Variants in SETBP1 observed in about 807,000 individuals in gnomAD.
The protein encoded by SETBP1 is SET-binding protein.
A neutral mutation model predicts 101.0 loss-of-function variants in SETBP1; 9 were observed. The ratio of observed to expected loss-of-function variants is 0.09; its 90% CI spans 0.05 to 0.16. SETBP1 has a LOEUF of 0.16. SETBP1 is among the 10% of genes least tolerant of loss of function. The probability of loss-of-function intolerance (pLI) is 1.00; values close to 1 mark genes in which losing one functional copy is unlikely to be tolerated. For synonymous variants in SETBP1, 818 were observed against 788.5 expected (o/e 1.04, Z -0.63); for missense variants, 1,858 against 2,033.8 (o/e 0.91, Z 1.66).
At chr18:44,948,526 T>TAGATAGATAGATAGAC (rs1182469950) in intron 3 of SETBP1, among the ~76,000 whole-genome samples, 2 of 152,094 alleles carry the variant, frequency 1.3e-5, no homozygotes, top group African/African-American at 4.8e-5. Flanking sequence ...GATAGATAGA[T>TAGATAGATAGATAGAC]AGATGATAGA....
At chr18:44,864,627 C>T (rs881434) in intron 2 of SETBP1, among the ~76,000 whole-genome samples, 48,858 of 151,800 alleles carry the variant, frequency 0.32, 8,015 homozygotes, top group South Asian at 0.41. Context: ...CCGGGCTCCA[C>T]CAGGGAGATG....
intron 4 of SETBP1, among the ~76,000 whole-genome samples, chr18:44,957,978 T>C (rs2071528104): frequency 6.6e-6 from 1 of 152,228 alleles, no homozygotes; most frequent in Admixed American, 6.5e-5. Flanking sequence ...AGCTAATGGC[T>C]GTTGTGGAGT....
At chr18:44,827,596 G>A (rs1331578515) in intron 2 of SETBP1, among the ~76,000 whole-genome samples, 1 of 152,242 alleles carries the variant, frequency 6.6e-6, no homozygotes, top group Non-Finnish European at 1.5e-5. Context: ...GGAAGATGCA[G>A]GTATATTGGG....
At chr18:44,683,833 A>C (rs2144090234) in intron 1 of SETBP1, among the ~76,000 whole-genome samples, 1 of 152,358 alleles carries the variant, frequency 6.6e-6, no homozygotes, top group African/African-American at 2.4e-5. Context: ...CAGGAATGGG[A>C]AATAAATAAC....
chr18:44,991,951 A>G (rs2072387300), intron 4 of SETBP1, among the ~76,000 whole-genome samples: 3 of 152,206 alleles, frequency 2.0e-5, no homozygotes, highest in Admixed American at 2.0e-4. Context: ...ACAAAAGACA[A>G]TTAGATTAAA....
chr18:44,784,477 T>C, intron 2 of SETBP1, among the ~76,000 whole-genome samples: 1 of 152,236 alleles, frequency 6.6e-6, no homozygotes, highest in East Asian at 1.9e-4. Context: ...GGATCACATG[T>C]CACTTCCTCA....
At chr18:45,007,790 A>C (rs1379697113) in intron 4 of SETBP1, among the ~76,000 whole-genome samples, 1 of 152,178 alleles carries the variant, frequency 6.6e-6, no homozygotes, top group Admixed American at 6.5e-5. Flanking sequence ...TGAATCTAAC[A>C]TGATGCAGTA....
At chr18:44,865,455 A>G (rs1466781854) in intron 2 of SETBP1, among the ~76,000 whole-genome samples, 1 of 152,122 alleles carries the variant, frequency 6.6e-6, no homozygotes, top group Non-Finnish European at 1.5e-5. Flanking sequence ...GGGACCTCCA[A>G]CTGCCTCCCT....
intron 3 of SETBP1, chr18:44,876,623 T>A (rs2069408989): frequency 6.4e-7 from 1 of 1,551,512 alleles, no homozygotes; most frequent in African/African-American, 1.4e-5. Flanking sequence ...GGCATCCCAT[T>A]CAAAAAGCAA....
chr18:45,049,452 T>G (rs2073685404), intron 5 of SETBP1, among the ~76,000 whole-genome samples: 1 of 152,226 alleles, frequency 6.6e-6, no homozygotes, highest in East Asian at 1.9e-4. Flanking sequence ...TACGGAAGGT[T>G]ATAAATTTTA....
chr18:44,702,465 C>A (rs1181059603), intron 2 of SETBP1, among the ~76,000 whole-genome samples: 1 of 152,164 alleles, frequency 6.6e-6, no homozygotes, highest in East Asian at 1.9e-4. Flanking sequence ...ATCATATCTT[C>A]TGCATATCTG....
Position 44,951,199 on chromosome 18 carries a change from C to G in SETBP1, c.1859C>G (p.Thr620Ser). ...CCCATCAGCCGAGAGTTTCCTGGCA[C>G]TAAGAAAAGAAAGCGACGACGCAAT... is the stretch of plus-strand genomic sequence containing the variant. ...VSPISREFPG[T>S]KKRKRRRNLA... Residue 620 changes from threonine to serine, a missense_variant, in exon 4 of 6, where the codon ACT becomes AGT. Around this residue, in one of 12 missense-constraint regions of SETBP1, gnomAD observed 111 missense variants for 119.3 expected, o/e 0.93. Transcript: ENST00000649279. The surrounding 1 kb of genome is among the most constrained non-coding windows in gnomAD (Gnocchi z 7.8). The G allele has an allele frequency of 1.2e-6, 2 of 1,614,098 alleles. No homozygotes were observed. The highest frequency in any genetic ancestry group is 1.7e-6 in the Non-Finnish European group (2 of 1,180,020).
intron 2 of SETBP1, among the ~76,000 whole-genome samples, chr18:44,752,189 G>A (rs1599074784): frequency 6.6e-6 from 1 of 152,292 alleles, no homozygotes; most frequent in South Asian, 2.1e-4. Flanking sequence ...TGATTTTTAT[G>A]TATTCAATGA....
intron 3 of SETBP1, chr18:44,869,947 A>G (rs2069235391): frequency 1.2e-5 from 2 of 166,198 alleles, no homozygotes; most frequent in Admixed American, 1.1e-4. Flanking sequence ...GCTATACAAA[A>G]GCCCTTGTGT....
chr18:44,864,354 G>A (rs1452435541), intron 2 of SETBP1, among the ~76,000 whole-genome samples: 1 of 151,958 alleles, frequency 6.6e-6, no homozygotes, highest in Non-Finnish European at 1.5e-5. Context: ...GAAGCTGAAG[G>A]GATTTCTACT....
At chr18:44,733,221 C>A (rs985690192) in intron 2 of SETBP1, 1 of 152,144 alleles carries the variant, frequency 6.6e-6, no homozygotes, top group Admixed American at 6.5e-5. Context: ...ACACAACACC[C>A]CCTGTTATTT....
intron 2 of SETBP1, among the ~76,000 whole-genome samples, chr18:44,812,469 A>C (rs1349862134): frequency 6.6e-6 from 1 of 152,154 alleles, no homozygotes; most frequent in East Asian, 1.9e-4. Flanking sequence ...ATGTTTTCTC[A>C]AGCACTTGTG....
At chr18:44,995,313 T>A (rs1386863032) in intron 4 of SETBP1, among the ~76,000 whole-genome samples, 1 of 151,948 alleles carries the variant, frequency 6.6e-6, no homozygotes, top group Non-Finnish European at 1.5e-5. Context: ...GACTAATTTT[T>A]TGTATTTTTA....
intron 3 of SETBP1, among the ~76,000 whole-genome samples, chr18:44,943,377 A>G (rs906555882): frequency 1.3e-5 from 2 of 152,150 alleles, no homozygotes; most frequent in Non-Finnish European, 2.9e-5. Context: ...TCTTTGCAAA[A>G]TCCTAGGACT....
Sources: gnomAD v4.1 joint callset for allele counts (sites outside exome capture counted in the v4.1 genomes callset) on GRCh38, gnomAD v4.1.1 for gene constraint, gnomAD v4.1.1 regional missense constraint, Gnocchi (gnomAD v3.1) non-coding constraint, MANE v1.5 for transcripts, NCBI Gene and HGNC (gene_info 2026-07-23, HGNC 2026-07-21) for gene names.